RALYL: variants seen among roughly 807,000 people sequenced by gnomAD.
The protein encoded by RALYL is RALY RNA binding protein like, also known as RNA-binding Raly-like protein.
RALYL carries 29 observed loss-of-function variants against 35.1 expected under a neutral mutation model. The observed-to-expected ratio is 0.83, with a 90% confidence interval of 0.61 to 1.13. The LOEUF is 1.13. Among genes scored for constraint, RALYL ranks in the 50% most tolerant of loss-of-function variants. The pLI, the probability that RALYL is intolerant of heterozygous loss-of-function variation, is 0.00. For missense variants in RALYL, 359 were observed against 360.4 expected (o/e 1.00, Z 0.03); for synonymous variants, 120 against 127.6 (o/e 0.94, Z 0.40).
At chr8:84,868,269 T>G (rs111906978) in intron 6 of RALYL, among the ~76,000 whole-genome samples, 5 of 152,138 alleles carry the variant, frequency 3.3e-5, no homozygotes, top group Non-Finnish European at 5.9e-5. Flanking sequence ...TGCAGTGGCA[T>G]GTAACCTCAA....
intron 2 of RALYL, among the ~76,000 whole-genome samples, chr8:84,608,937 T>G (rs1817725178): frequency 6.6e-6 from 1 of 152,126 alleles, no homozygotes; most frequent in South Asian, 2.1e-4. Flanking sequence ...ATAGGCTTTT[T>G]TTTTCTTTTT....
At chr8:84,576,334 C>T (rs1401967826) in intron 2 of RALYL, among the ~76,000 whole-genome samples, 2 of 152,076 alleles carry the variant, frequency 1.3e-5, no homozygotes, top group Non-Finnish European at 2.9e-5. Context: ...TTGATTACTA[C>T]AAAAAATTGA....
At chr8:84,617,095 G>C (rs1242299726) in intron 2 of RALYL, among the ~76,000 whole-genome samples, 4 of 150,386 alleles carry the variant, frequency 2.7e-5, no homozygotes, top group Non-Finnish European at 4.4e-5. Flanking sequence ...GGTTCCATAT[G>C]AACTTTAAAG....
intron 4 of RALYL, among the ~76,000 whole-genome samples, chr8:84,837,957 C>T (rs1017357137): frequency 1.3e-5 from 2 of 152,262 alleles, no homozygotes; most frequent in Non-Finnish European, 2.9e-5. Context: ...GTGCCCTAAA[C>T]TTCTATTTTA....
At chr8:84,198,573 T>C (rs565631253) in intron 1 of RALYL, among the ~76,000 whole-genome samples, 49 of 152,290 alleles carry the variant, frequency 3.2e-4, no homozygotes, top group African/African-American at 1.1e-3. Flanking sequence ...TTGATTATAG[T>C]CACCTTGTTG....
At chr8:84,464,312 C>T (rs1294441323) in intron 1 of RALYL, among the ~76,000 whole-genome samples, 1 of 151,770 alleles carries the variant, frequency 6.6e-6, no homozygotes, top group African/African-American at 2.4e-5. Context: ...CCACAACAGT[C>T]CCCAGAGTGT....
intron 1 of RALYL, among the ~76,000 whole-genome samples, chr8:84,500,095 T>A (rs1353532061): frequency 6.6e-6 from 1 of 152,152 alleles, no homozygotes; most frequent in East Asian, 1.9e-4. Context: ...CATTTAGGCC[T>A]ATATGACACC....
At chr8:84,512,407 G>T (rs1049608774) in intron 1 of RALYL, among the ~76,000 whole-genome samples, 1 of 151,460 alleles carries the variant, frequency 6.6e-6, no homozygotes, top group East Asian at 1.9e-4. Flanking sequence ...TTTTCTTTTT[G>T]CTATTAAGTT....
chr8:84,712,441 A>T (rs976891289), intron 2 of RALYL, among the ~76,000 whole-genome samples: 1 of 149,970 alleles, frequency 6.7e-6, no homozygotes, highest in South Asian at 2.1e-4. Flanking sequence ...GAAATATATT[A>T]TCTCTCTCTC....
At chr8:84,341,523 G>A (rs1030514068) in intron 1 of RALYL, among the ~76,000 whole-genome samples, 3 of 151,888 alleles carry the variant, frequency 2.0e-5, no homozygotes, top group African/African-American at 7.2e-5. Context: ...TTTCTATAAT[G>A]TATCGGTATC....
chr8:84,546,100 A>C (rs1400903255), intron 2 of RALYL, among the ~76,000 whole-genome samples: 1 of 152,116 alleles, frequency 6.6e-6, no homozygotes, highest in Non-Finnish European at 1.5e-5. Context: ...GGGATGAGAC[A>C]GTGGAGAGAG....
chr8:84,818,575 A>T (rs546917931), intron 4 of RALYL, among the ~76,000 whole-genome samples: 1 of 152,190 alleles, frequency 6.6e-6, no homozygotes, highest in Non-Finnish European at 1.5e-5. Context: ...AAAAGACAAA[A>T]GATAAGATTG....
At chr8:84,184,823 T>C in intron 1 of RALYL, 1 of 661,986 alleles carries the variant, frequency 1.5e-6, no homozygotes. Context: ...GCGCTGGCCG[T>C]CGGGCGGGCT....
Position 84,433,434 on chromosome 8 carries a change from A to G in RALYL, c.-23-95865A>G, listed in dbSNP as rs1252282449. ...TTTGTAACATAGCACCTAAAACAGG[A>G]CGATGTTTGATATGGTTTGGCTGTG... On this transcript the variant is annotated intron_variant, in intron 1 of 8. Coordinates refer to ENST00000521268, the MANE Select transcript of RALYL (RefSeq NM_173848.7). 2.6e-5 allele frequency among the ~76,000 whole-genome samples: 4 copies of G among 152,232 alleles called. No homozygotes were observed. The East Asian group carries it at 7.7e-4, about 29-fold the overall frequency.
intron 4 of RALYL, among the ~76,000 whole-genome samples, chr8:84,813,083 G>C (rs372294477): frequency 1.3e-5 from 2 of 152,178 alleles, no homozygotes; most frequent in African/African-American, 4.8e-5. Flanking sequence ...AGCTCCCGGG[G>C]CTTTTCCCAC....
intron 1 of RALYL, among the ~76,000 whole-genome samples, chr8:84,377,178 G>A (rs16912736): frequency 0.03 from 4,484 of 151,784 alleles, 212 homozygotes; most frequent in African/African-American, 0.1. Flanking sequence ...ATCACAACTA[G>A]TGTAATTTAA....
intron 1 of RALYL, among the ~76,000 whole-genome samples, chr8:84,349,969 A>G (rs1850585917): frequency 6.7e-6 from 1 of 150,356 alleles, no homozygotes; most frequent in Admixed American, 6.6e-5. Flanking sequence ...GCAAAAATAT[A>G]AACAACTTCT....
At chr8:84,293,483 C>T (rs1294487526) in intron 1 of RALYL, among the ~76,000 whole-genome samples, 1 of 152,034 alleles carries the variant, frequency 6.6e-6, no homozygotes, top group Non-Finnish European at 1.5e-5. Context: ...CTACACATCA[C>T]CTCTTGGCCT....
At chr8:84,476,052 A>C (rs1315250813) in intron 1 of RALYL, among the ~76,000 whole-genome samples, 2 of 152,194 alleles carry the variant, frequency 1.3e-5, no homozygotes, top group African/African-American at 4.8e-5. Flanking sequence ...TGGTGAATGA[A>C]ATGGATACAG....
Sources: allele counts gnomAD v4.1 joint callset (sites outside exome capture counted in the v4.1 genomes callset), GRCh38; gene constraint gnomAD v4.1.1; transcripts MANE v1.5; gene names NCBI Gene and HGNC (gene_info 2026-07-23, HGNC 2026-07-21).